The following SFSWAP variants were observed in gnomAD, a reference collection of about 807,000 sequenced individuals.
The protein encoded by SFSWAP is splicing factor, suppressor of white-apricot homolog.
A neutral mutation model predicts 100.7 loss-of-function variants in SFSWAP; 17 were observed. That is an observed-to-expected ratio of 0.17 (90% confidence interval 0.12 to 0.25). The LOEUF (loss-of-function observed/expected upper bound fraction) is 0.25. Ranked by LOEUF, SFSWAP falls within the 10% of genes least tolerant of loss-of-function variation. The pLI is 1.00. For missense variants in SFSWAP, 1,005 were observed against 1,262.6 expected, an observed-to-expected ratio of 0.80 and a Z score of 3.09; for synonymous variants, 504 against 510.1, an observed-to-expected ratio of 0.99 and a Z score of 0.16.
intron 14 of SFSWAP, among the ~76,000 whole-genome samples, chr12:131,782,873 A>G (rs1437094617): frequency 1.3e-5 from 2 of 152,178 alleles, no homozygotes. Context: ...ACAAGGTAGT[A>G]TTTAGTGTCT....
At chr12:131,799,242 C>A in intron 17 of SFSWAP, 133 bp downstream of exon 17, 3 of 1,013,156 alleles carry the variant, frequency 3.0e-6, no homozygotes, top group South Asian at 1.3e-5. Context: ...ATACCACAGG[C>A]TCTGGGTGAG....
rs1333733497 is a variant in SFSWAP at position 131,788,046 on chromosome 12, A to C, written c.2534+1458A>C. ...TTAAAATGTTAGCATCCATCCCTTA[A>C]ACAAGTAATTTCACATCAGAAATTC... On this transcript the variant is annotated intron_variant, in intron 15 of 17. Coordinates refer to ENST00000261674, the MANE Select transcript of SFSWAP (RefSeq NM_004592.4). Among the ~76,000 whole-genome samples the C allele has an allele frequency of 2.0e-5, 3 of 152,346 alleles. No individual in the cohort carries two copies. In the East Asian group the frequency reaches 5.8e-4, roughly 29 times the overall value.
At chr12:131,744,770 G>A (rs76192587) in intron 7 of SFSWAP, among the ~76,000 whole-genome samples, 1 of 152,170 alleles carries the variant, frequency 6.6e-6, no homozygotes, top group Non-Finnish European at 1.5e-5. Context: ...CCTGAGACTG[G>A]AGAGAAAAAG....
intron 7 of SFSWAP, among the ~76,000 whole-genome samples, chr12:131,748,903 G>T (rs1472183357): frequency 6.6e-6 from 1 of 152,202 alleles, no homozygotes; most frequent in Non-Finnish European, 1.5e-5. Flanking sequence ...CATTACGTCA[G>T]CATTTAACTT....
At chr12:131,773,117 A>T (rs1883747735) in intron 13 of SFSWAP, among the ~76,000 whole-genome samples, 1 of 152,148 alleles carries the variant, frequency 6.6e-6, no homozygotes, top group Non-Finnish European at 1.5e-5. Context: ...GTGGGAAAAC[A>T]GGGATAGTTG....
intron 4 of SFSWAP, among the ~76,000 whole-genome samples, chr12:131,722,909 G>C (rs999906924): frequency 6.6e-6 from 1 of 152,110 alleles, no homozygotes; most frequent in Non-Finnish European, 1.5e-5. Context: ...ATACGGTACT[G>C]CTGCACTCCA....
intron 15 of SFSWAP, among the ~76,000 whole-genome samples, chr12:131,793,926 G>A (rs945835679): frequency 2.0e-5 from 3 of 152,004 alleles, no homozygotes; most frequent in Non-Finnish European, 2.9e-5. Flanking sequence ...GAGTGGGCAC[G>A]GGCCCAGCGG....
chr12:131,754,468 G>A lies in SFSWAP; in HGVS notation c.1423G>A (p.Glu475Lys), dbSNP rs1370855396. Residue 475 changes from glutamate (E) to lysine (K), a missense_variant, in exon 9 of 18, where the codon GAG becomes AAG. By Grantham distance (56) the Glu-to-Lys change is moderately conservative. Transcript: ENST00000261674. ...EYVARNGLKF[E>K]TSVRAKNDQR... The stretch of plus-strand genomic sequence containing the variant: ...TGTCGCCAGGAACGGCCTGAAGTTC[G>A]AGACCAGTGTTCGTGCCAAGAATGA... The A allele has an allele frequency of 4.4e-6, 7 of 1,602,954 alleles. 1 individual carries two copies. Among genetic ancestry groups the A allele is most frequent in the South Asian group, 2.2e-5 (2 of 89,766 alleles).
rs1877372230 is a variant in SFSWAP, at chr12:131,711,745, G to A, written c.218+298G>A. 1 of 384,326 alleles carries A rather than the reference G, an allele frequency of 2.6e-6. No individual in the cohort carries two copies. The highest frequency in any genetic ancestry group is 4.8e-6 in the Non-Finnish European group (1 of 207,350). 23.8% of individuals were successfully genotyped at this position (384,326 alleles called of 1,614,324 possible). The stretch of plus-strand genomic sequence containing the variant: ...GCTGGGCTGCAGTTGGCGATTCCGC[G>A]CGGTGAAAGCAGCCAGTGCCCAGGG... On this transcript the variant is annotated intron_variant, in intron 1 of 17. Coordinates refer to ENST00000261674, the MANE Select transcript of SFSWAP (RefSeq NM_004592.4). This position sits in a 1 kb window ranked among gnomAD's most constrained non-coding sequence, Gnocchi z 4.9.
intron 11 of SFSWAP, among the ~76,000 whole-genome samples, chr12:131,762,659 A>T (rs1882774123): frequency 6.6e-6 from 1 of 152,034 alleles, no homozygotes; most frequent in African/African-American, 2.4e-5. Flanking sequence ...CAGTGGCGTG[A>T]TCTCAGCCCA....
intron 7 of SFSWAP, among the ~76,000 whole-genome samples, chr12:131,729,171 G>A (rs1342247194): frequency 6.6e-6 from 1 of 152,164 alleles, no homozygotes; most frequent in East Asian, 1.9e-4. Context: ...GAGAATGGGA[G>A]ACACATAGTA....
At chr12:131,756,683 C>CG (rs1882202894) in intron 11 of SFSWAP, 39 bp downstream of exon 11, 1 of 1,519,538 alleles carries the variant, frequency 6.6e-7, no homozygotes, top group Non-Finnish European at 8.8e-7. Context: ...CACATTCCAC[C>CG]ATAAGTTGGC....
intron 7 of SFSWAP, among the ~76,000 whole-genome samples, chr12:131,743,560 G>A (rs114999959): frequency 0.013 from 1,935 of 152,362 alleles, 29 homozygotes; most frequent in African/African-American, 0.035. Flanking sequence ...GCAGCTCCGC[G>A]CCTGTGGCTC....
chr12:131,791,221 C>T (rs546430086), intron 15 of SFSWAP, among the ~76,000 whole-genome samples: 1 of 150,666 alleles, frequency 6.6e-6, no homozygotes, highest in South Asian at 2.1e-4. Flanking sequence ...GGTGAAACCC[C>T]GTCACTACTA....
intron 13 of SFSWAP, among the ~76,000 whole-genome samples, chr12:131,772,090 A>C (rs1365788565): frequency 6.6e-6 from 1 of 152,130 alleles, no homozygotes; most frequent in East Asian, 1.9e-4. Flanking sequence ...GCTGTTTGTC[A>C]TCAGTGTCAC....
At position 131,711,390 on chromosome 12, in the gene SFSWAP, A is replaced by G. The variant is rs1284259208; in HGVS notation, c.161A>G (p.Gln54Arg). 1.2e-6 allele frequency: 2 copies of G among 1,613,886 alleles called. No homozygotes were observed. Among genetic ancestry groups the G allele is most frequent in the Non-Finnish European group, 1.7e-6 (2 of 1,180,024 alleles). The change falls in exon 1 of 18, where the codon CAG (glutamine) becomes CGG (arginine). Residue 54 changes from glutamine to arginine, a missense_variant. By Grantham distance (43) the Gln-to-Arg change is conservative (BLOSUM62 1). This residue lies in a region of SFSWAP where 237 missense variants were observed against 337.0 expected (regional missense o/e 0.70). Transcript: ENST00000261674. This position sits in a 1 kb window ranked among gnomAD's most constrained non-coding sequence, Gnocchi z 4.9. Reference protein sequence around the residue: ...LFRDDERALAQEQGQHLIPWM... With the variant: ...LFRDDERALAREQGQHLIPWM... ...CGGGACGACGAGCGGGCCCTGGCTC[A>G]GGAACAGGGACAGCACCTCATCCCC...
intron 4 of SFSWAP, among the ~76,000 whole-genome samples, chr12:131,723,547 G>C (rs529902630): frequency 4.9e-4 from 75 of 152,230 alleles, no homozygotes; most frequent in Admixed American, 1.4e-3. Flanking sequence ...TAGGGCTCTG[G>C]GCAAAGCAGG....
intron 15 of SFSWAP, among the ~76,000 whole-genome samples, chr12:131,789,451 G>A (rs1885103539): frequency 6.6e-6 from 1 of 152,194 alleles, no homozygotes; most frequent in Non-Finnish European, 1.5e-5. Context: ...GAGCTCAGGA[G>A]TTGGAGGCTG....
chr12:131,722,374 C>T (rs1878553514), intron 4 of SFSWAP, among the ~76,000 whole-genome samples: 1 of 152,028 alleles, frequency 6.6e-6, no homozygotes, highest in Non-Finnish European at 1.5e-5. Context: ...CTAGCCTGGG[C>T]AACATAGTGA....
Sources: gnomAD v4.1 joint callset for allele counts (sites outside exome capture counted in the v4.1 genomes callset) on GRCh38, gnomAD v4.1.1 for gene constraint, gnomAD v4.1.1 regional missense constraint, Gnocchi (gnomAD v3.1) non-coding constraint, MANE v1.5 for transcripts, NCBI Gene and HGNC (gene_info 2026-07-23, HGNC 2026-07-21) for gene names.